The following LAMTOR3 variants were observed in gnomAD, a reference collection of about 807,000 sequenced individuals.
The protein encoded by LAMTOR3 is ragulator complex protein LAMTOR3.
LAMTOR3 carries 14 observed loss-of-function variants against 20.3 expected under a neutral mutation model. The ratio of observed to expected loss-of-function variants is 0.69; its 90% confidence interval spans 0.46 to 1.08. LAMTOR3 has a LOEUF of 1.08. Among genes scored for constraint, LAMTOR3 ranks in the 50% least tolerant of loss-of-function variants. LAMTOR3 has a pLI of 0.00. For missense variants in LAMTOR3, 125 were observed against 143.7 expected (o/e 0.87, Z 0.67); for synonymous variants, 40 against 49.4 (o/e 0.81, Z 0.80).
rs534388552 is a variant in LAMTOR3, at chr4:99,879,761, T to C, written c.*2233A>G. Reference sequence around the variant, plus strand: ...ACTACTACACACCTAGGCTATATGGTATAGCCTACTACTACATACCTAGGC... The same window carrying C: ...ACTACTACACACCTAGGCTATATGGCATAGCCTACTACTACATACCTAGGC... On this transcript the variant is annotated 3_prime_UTR_variant, in exon 7 of 7. Coordinates refer to ENST00000499666, the MANE Select transcript of LAMTOR3 (RefSeq NM_021970.4). 6.6e-6 allele frequency: 1 copy of C among 152,084 alleles called. No individual in the cohort carries two copies. The highest frequency in any genetic ancestry group is 2.1e-4 in the South Asian group (1 of 4,824). The allele number at this position is 152,084 out of a possible 1,614,324, so 9.4% of individuals were successfully genotyped here.
chr4:99,894,018 G>C lies in LAMTOR3; in HGVS notation c.-37-18C>G, dbSNP rs947541947. 1.4e-6 allele frequency: 2 copies of C among 1,480,072 alleles called. No individual in the cohort carries two copies. The highest frequency in any genetic ancestry group is 1.8e-6 in the Non-Finnish European group (2 of 1,097,802). The allele number at this position is 1,480,072 out of a possible 1,614,324, so 91.7% of individuals were successfully genotyped here. A position where few individuals can be genotyped will look rare whatever the true frequency, so the allele number is the denominator to read the frequency against. ...CTCCACGCCTGGAAGAGAAACTCCC[G>C]GTGACTCTTCCCTCTTTGGCTTCCT... is the stretch of plus-strand genomic sequence containing the variant. On this transcript the variant is annotated intron_variant, in intron 1 of 6. Coordinates refer to ENST00000499666, the MANE Select transcript of LAMTOR3 (RefSeq NM_021970.4).
chr4:99,883,988 A>C (rs1724873369), intron 6 of LAMTOR3, 74 bp downstream of exon 6: 4 of 1,079,042 alleles, frequency 3.7e-6, no homozygotes, highest in Non-Finnish European at 5.5e-6. Context: ...TATTCCTCTT[A>C]AATTAAGGTA....
intron 5 of LAMTOR3, among the ~76,000 whole-genome samples, chr4:99,884,857 T>C (rs965294854): frequency 6.6e-6 from 1 of 151,624 alleles, no homozygotes; most frequent in Non-Finnish European, 1.5e-5. Flanking sequence ...CCCAGCTACT[T>C]GGGAGGCTGA....
intron 3 of LAMTOR3, among the ~76,000 whole-genome samples, chr4:99,887,951 T>G (rs1328087187): frequency 6.6e-6 from 1 of 152,218 alleles, no homozygotes; most frequent in Non-Finnish European, 1.5e-5. Flanking sequence ...CAGAGAAGGC[T>G]TTCCTGGAGG....
intron 3 of LAMTOR3, among the ~76,000 whole-genome samples, chr4:99,888,979 C>G (rs558986943): frequency 1.6e-4 from 25 of 152,188 alleles, no homozygotes; most frequent in African/African-American, 5.8e-4. Context: ...CCAAGGTGGG[C>G]AGATCACCTG....
At chr4:99,884,818 AGCCAG>A (rs1724891779) in intron 5 of LAMTOR3, among the ~76,000 whole-genome samples, 1 of 152,080 alleles carries the variant, frequency 6.6e-6, no homozygotes, top group Non-Finnish European at 1.5e-5. Flanking sequence ...TACAAAAATT[AGCCAG>A]GCCTGGTGGC....
chr4:99,883,993 A>G, intron 6 of LAMTOR3, 69 bp downstream of exon 6: 1 of 1,103,332 alleles, frequency 9.1e-7, no homozygotes, highest in Non-Finnish European at 1.3e-6. Flanking sequence ...CTCTTAAATT[A>G]AGGTATGGTA....
Position 99,879,608 on chromosome 4 carries a change from T to C in LAMTOR3, c.*2386A>G, listed in dbSNP as rs974440546. The stretch of plus-strand genomic sequence containing the variant: ...CAATGAGTACATCTAGTATTTCAAT[T>C]GTAACAATTAACTACAGTCATGTGT... On this transcript the variant is annotated 3_prime_UTR_variant, in exon 7 of 7. Coordinates refer to ENST00000499666, the MANE Select transcript of LAMTOR3 (RefSeq NM_021970.4). The C allele has an allele frequency of 2.6e-5, 4 of 152,150 alleles. No homozygotes were observed. Among genetic ancestry groups the C allele is most frequent in the African/African-American group, 9.7e-5 (4 of 41,406 alleles). The allele number at this position is 152,150 out of a possible 1,614,324, so 9.4% of individuals were successfully genotyped here.
chr4:99,894,399 C>G lies in LAMTOR3; in HGVS notation c.-102G>C, dbSNP rs11546703. ...TCAGGGACAGCTTTAAAGACAGGTTCCTCCTCAAGCCACCGTCACATGATT... is the reference window on the plus strand; with the variant it reads ...TCAGGGACAGCTTTAAAGACAGGTTGCTCCTCAAGCCACCGTCACATGATT... On this transcript the variant is annotated 5_prime_UTR_variant, in exon 1 of 7. Transcript: ENST00000499666. The G allele has an allele frequency of 6.2e-6, 1 of 160,280 alleles. No individual in the cohort carries two copies. The highest frequency in any genetic ancestry group is 2.4e-5 in the African/African-American group (1 of 41,840). The allele number at this position is 160,280 out of a possible 1,614,324, so 9.9% of individuals were successfully genotyped here.
intron 4 of LAMTOR3, 21 bp downstream of exon 4, chr4:99,887,275 C>G: frequency 6.7e-7 from 1 of 1,486,528 alleles, no homozygotes. Context: ...AAGACATTTG[C>G]ATTTAAATGT....
intron 3 of LAMTOR3, among the ~76,000 whole-genome samples, chr4:99,889,501 TAC>T (rs1724986386): frequency 6.6e-6 from 1 of 152,178 alleles, no homozygotes; most frequent in Admixed American, 6.5e-5. Context: ...AGTGAAAAAA[TAC>T]ACAGTTTAGA....
At chr4:99,893,067 T>C (rs1015269841) in intron 2 of LAMTOR3, among the ~76,000 whole-genome samples, 1 of 152,202 alleles carries the variant, frequency 6.6e-6, no homozygotes, top group Non-Finnish European at 1.5e-5. Flanking sequence ...GAAGACTATT[T>C]TATTTTTCTA....
chr4:99,884,109 C>T lies in LAMTOR3; in HGVS notation c.254G>A (p.Arg85His), dbSNP rs765881637. Residue 85 changes from arginine (R) to histidine (H), a missense_variant, in exon 6 of 7, where the codon CGT (arginine) becomes CAT (histidine). Physicochemically the swap from Arg to His is conservative, Grantham distance 29. This residue lies in a region of LAMTOR3 where 4 missense variants were observed against 16.4 expected (regional missense o/e 0.24). Transcript: ENST00000499666. ...TATGAAACTCACCACCAAAGGTAAA[C>T]GATTAAATTGAACCACCTAAAAAGA... ...YNTYQVVQFN[R>H]LPLVVSFIAS... 7.4e-6 allele frequency: 12 copies of T among 1,611,944 alleles called. No homozygotes were observed. Among genetic ancestry groups the T allele is most frequent in the South Asian group, 5.5e-5 (5 of 91,038 alleles).
At chr4:99,891,630 T>C (rs939886712) in intron 3 of LAMTOR3, among the ~76,000 whole-genome samples, 2 of 151,902 alleles carry the variant, frequency 1.3e-5, no homozygotes, top group Non-Finnish European at 2.9e-5. Context: ...AAAGAGATAA[T>C]AAAAAGAGGA....
Position 99,880,787 on chromosome 4 carries a change from C to G in LAMTOR3, c.*1207G>C, listed in dbSNP as rs1012816230. On this transcript the variant is annotated 3_prime_UTR_variant, in exon 7 of 7. Coordinates refer to ENST00000499666, the MANE Select transcript of LAMTOR3 (RefSeq NM_021970.4). ...AGCTCGGCTGACTGGCACACAGGTG[C>G]TCAATGCATATGTACTGAACTGATC... 2.6e-5 allele frequency: 4 copies of G among 152,170 alleles called. No individual in the cohort carries two copies. The allele number at this position is 152,170 out of a possible 1,614,324, so 9.4% of individuals were successfully genotyped here. A position where few individuals can be genotyped will look rare whatever the true frequency, so the allele number is the denominator to read the frequency against.
In LAMTOR3 at chr4:99,879,202, T is replaced by G. The variant is rs1261096506; in HGVS notation, c.*2792A>C. On this transcript the variant is annotated 3_prime_UTR_variant, in exon 7 of 7. Transcript: ENST00000499666. The stretch of plus-strand genomic sequence containing the variant: ...TCACATGTATGTACTGAAGTCTTTT[T>G]TCTGGGTGAGTACATACCATTGATA... 1 of 152,202 alleles carries G rather than the reference T, an allele frequency of 6.6e-6. No homozygotes were observed. Among genetic ancestry groups the G allele is most frequent in the Non-Finnish European group, 1.5e-5 (1 of 68,032 alleles). The allele number at this position is 152,202 out of a possible 1,614,324, so 9.4% of individuals were successfully genotyped here. A position where few individuals can be genotyped will look rare whatever the true frequency, so the allele number is the denominator to read the frequency against.
Position 99,882,039 on chromosome 4 carries a change from A to G in LAMTOR3, c.330T>C (p.Leu110=), listed in dbSNP as rs1724837281. The G allele has an allele frequency of 6.3e-7, 1 of 1,593,532 alleles. No individual in the cohort carries two copies. Among genetic ancestry groups the G allele is most frequent in the East Asian group, 2.3e-5 (1 of 44,156 alleles). ...GTCTCAGTTCTTCAAACAATGGAGCAAGTTCCTTTTCTAGGCTGACAATTA... is the reference window on the plus strand; with the variant it reads ...GTCTCAGTTCTTCAAACAATGGAGCGAGTTCCTTTTCTAGGCTGACAATTA... ...TGLIVSLEKE[L]APLFEELRQV... The change falls in exon 7 of 7, where the codon CTT becomes CTC. Residue 110 remains leucine (L), a synonymous_variant. Transcript: ENST00000499666.
At chr4:99,891,048 G>A (rs541855972) in intron 3 of LAMTOR3, among the ~76,000 whole-genome samples, 2 of 152,290 alleles carry the variant, frequency 1.3e-5, no homozygotes, top group African/African-American at 4.8e-5. Context: ...GGTGACTAAT[G>A]AGTATCTTTC....
chr4:99,893,968 A>G lies in LAMTOR3; in HGVS notation c.-5T>C. ...GGTGTCACTCACATCCGCCATGATG[A>G]ACCCCCTTCTCTCGCAGGATCAATC... On this transcript the variant is annotated 5_prime_UTR_variant, in exon 2 of 7. Coordinates refer to ENST00000499666, the MANE Select transcript of LAMTOR3 (RefSeq NM_021970.4). The G allele has an allele frequency of 1.3e-6, 2 of 1,547,498 alleles. No individual in the cohort carries two copies. The highest frequency in any genetic ancestry group is 1.8e-5 in the Admixed American group (1 of 54,620).
Sources: allele counts gnomAD v4.1 joint callset (sites outside exome capture counted in the v4.1 genomes callset), GRCh38; gene constraint gnomAD v4.1.1; regional missense constraint gnomAD v4.1.1; transcripts MANE v1.5; gene names NCBI Gene and HGNC (gene_info 2026-07-23, HGNC 2026-07-21).